SKIC2: variants seen among roughly 807,000 people sequenced by gnomAD.
SKIC2 encodes superkiller complex protein 2.
At chr6:31,968,675 G>A in the SKIC2 span, 1 of 1,605,858 alleles carries the variant, frequency 6.2e-7, no homozygotes. This position sits in a 1 kb window ranked among gnomAD's most constrained non-coding sequence, Gnocchi z 6.1. Context: ...CTGACGGGTG[G>A]CTCTCTGCAG....
At chr6:31,967,731 C>G in the SKIC2 span, 1 of 1,613,016 alleles carries the variant, frequency 6.2e-7, no homozygotes, top group Admixed American at 1.7e-5. This position sits in a 1 kb window ranked among gnomAD's most constrained non-coding sequence, Gnocchi z 4.9. Flanking sequence ...TCGAACTCCA[C>G]CAGCAGAGTA....
chr6:31,963,711 C>T, the SKIC2 span: 3 of 1,549,074 alleles, frequency 1.9e-6, no homozygotes, highest in Non-Finnish European at 8.7e-7. The surrounding 1 kb of genome is among the most constrained non-coding windows in gnomAD (Gnocchi z 5.3). Flanking sequence ...AAGCAGCCCA[C>T]ACATCAGGGG....
chr6:31,969,486 A>C, the SKIC2 span: 5 of 1,613,014 alleles, frequency 3.1e-6, no homozygotes, highest in East Asian at 6.7e-5. The surrounding 1 kb of genome is among the most constrained non-coding windows in gnomAD (Gnocchi z 6.1). Flanking sequence ...GGCTGAGTGC[A>C]TCCAGTCCTC....
the SKIC2 span, chr6:31,962,889 C>A: frequency 7.5e-7 from 1 of 1,326,298 alleles, no homozygotes; most frequent in Non-Finnish European, 1.1e-6. This position sits in a 1 kb window ranked among gnomAD's most constrained non-coding sequence, Gnocchi z 5.0. Flanking sequence ...GGGCCCCTTA[C>A]TGCTTTCTTT....
chr6:31,964,215 G>C, the SKIC2 span: 7 of 1,611,856 alleles, frequency 4.3e-6, no homozygotes, highest in South Asian at 7.7e-5. This position sits in a 1 kb window ranked among gnomAD's most constrained non-coding sequence, Gnocchi z 5.0. Context: ...CTGACCATGG[G>C]CCTCCTCCCA....
chr6:31,966,699 C>T, the SKIC2 span: 1 of 1,614,012 alleles, frequency 6.2e-7, no homozygotes, highest in South Asian at 1.1e-5. The surrounding 1 kb of genome is among the most constrained non-coding windows in gnomAD (Gnocchi z 5.9). Context: ...CTTCTGTGAC[C>T]TGACTCCAGG....
At chr6:31,969,637 G>C in the SKIC2 span, 4 of 1,612,372 alleles carry the variant, frequency 2.5e-6, no homozygotes, top group Non-Finnish European at 3.4e-6. This position sits in a 1 kb window ranked among gnomAD's most constrained non-coding sequence, Gnocchi z 6.1. Flanking sequence ...GAGAGCCTGT[G>C]CTGGGTGCCA....
chr6:31,964,068 C>T, the SKIC2 span: 1 of 1,612,526 alleles, frequency 6.2e-7, no homozygotes, highest in Admixed American at 1.7e-5. The surrounding 1 kb of genome is among the most constrained non-coding windows in gnomAD (Gnocchi z 5.0). Flanking sequence ...GCGAGATCCA[C>T]CTCTTCCTGC....
the SKIC2 span, chr6:31,965,814 G>T: frequency 6.2e-7 from 1 of 1,612,352 alleles, no homozygotes; most frequent in Non-Finnish European, 8.5e-7. The surrounding 1 kb of genome is among the most constrained non-coding windows in gnomAD (Gnocchi z 5.6). Context: ...TTTGCCATGG[G>T]AGTAAACATG....
the SKIC2 span, chr6:31,960,446 C>T: frequency 6.2e-7 from 1 of 1,613,944 alleles, no homozygotes; most frequent in Non-Finnish European, 8.5e-7. Flanking sequence ...TGCTGGAGAA[C>T]ACAAATCTCT....
chr6:31,969,020 C>T, the SKIC2 span: 2 of 1,612,628 alleles, frequency 1.2e-6, no homozygotes, highest in African/African-American at 1.3e-5. The surrounding 1 kb of genome is among the most constrained non-coding windows in gnomAD (Gnocchi z 6.1). Flanking sequence ...AGATTGCTGC[C>T]TTGCTCTCTG....
the SKIC2 span, chr6:31,966,626 C>A: frequency 6.9e-7 from 1 of 1,457,250 alleles, no homozygotes; most frequent in Non-Finnish European, 9.5e-7. The surrounding 1 kb of genome is among the most constrained non-coding windows in gnomAD (Gnocchi z 5.9). Context: ...CCGGATCTGA[C>A]GGGAGTAGGC....
chr6:31,965,719 G>T, the SKIC2 span: 1 of 977,660 alleles, frequency 1.0e-6, no homozygotes, highest in Non-Finnish European at 1.6e-6. This position sits in a 1 kb window ranked among gnomAD's most constrained non-coding sequence, Gnocchi z 5.6. Flanking sequence ...GGTGGGCTTG[G>T]CCAGGGCTGG....
At chr6:31,960,914 G>A in the SKIC2 span, 270,546 of 899,892 alleles carry the variant, frequency 0.3, 44,162 homozygotes, top group Admixed American at 0.35. Context: ...CATCTGTTGG[G>A]AAAGTGTCAT....
the SKIC2 span, chr6:31,963,456 C>T: frequency 4.3e-6 from 7 of 1,610,942 alleles, no homozygotes; most frequent in East Asian, 2.2e-5. This position sits in a 1 kb window ranked among gnomAD's most constrained non-coding sequence, Gnocchi z 5.3. Context: ...CACTGTAACC[C>T]GCCCCGTGCC....
At chr6:31,961,536 G>C in the SKIC2 span, 3 of 1,589,284 alleles carry the variant, frequency 1.9e-6, no homozygotes, top group Non-Finnish European at 2.6e-6. Flanking sequence ...TGCTACCCCT[G>C]ACTCTTCCAG....
chr6:31,960,477 C>G, the SKIC2 span: 294 of 1,614,096 alleles, frequency 1.8e-4, 1 homozygote, highest in Middle Eastern at 1.8e-3. Flanking sequence ...CTCCTTGTCT[C>G]TTCGCCGGCC....
At chr6:31,961,368 G>A in the SKIC2 span, 3 of 1,558,932 alleles carry the variant, frequency 1.9e-6, no homozygotes, top group Non-Finnish European at 2.6e-6. Context: ...CAAGCAGCTT[G>A]GAAGACCTAG....
At chr6:31,968,378 G>C in the SKIC2 span, 1 of 1,613,004 alleles carries the variant, frequency 6.2e-7, no homozygotes, top group South Asian at 1.1e-5. The surrounding 1 kb of genome is among the most constrained non-coding windows in gnomAD (Gnocchi z 6.1). Context: ...GAACTGCTGC[G>C]TCTGGCTCAG....
Sources: gnomAD v4.1 joint callset for allele counts on GRCh38, gnomAD v4.1.1 for gene constraint, Gnocchi (gnomAD v3.1) non-coding constraint, MANE v1.5 for transcripts, NCBI Gene and HGNC (gene_info 2026-07-23, HGNC 2026-07-21) for gene names.